GALNT13: variants seen among roughly 807,000 people sequenced by gnomAD.
GALNT13 encodes UDP-GalNAc:polypeptide N-acetylgalactosaminyltransferase 13.
In GALNT13, 28 loss-of-function variants were observed where a neutral mutation model predicts 64.2. That is an observed-to-expected ratio of 0.44 (90% CI 0.32 to 0.60). GALNT13 has a LOEUF of 0.60. Ranked by LOEUF, GALNT13 falls within the 20% of genes least tolerant of loss-of-function variation. GALNT13 has a pLI of 0.05. For missense variants in GALNT13, 577 were observed against 669.8 expected, an observed-to-expected ratio of 0.86 and a Z score of 1.53; for synonymous variants, 214 against 224.6, an observed-to-expected ratio of 0.95 and a Z score of 0.42.
At chr2:153,502,751 A>G in the GALNT13 span, among the ~76,000 whole-genome samples, 1 of 152,096 alleles carries the variant, frequency 6.6e-6, no homozygotes, top group Non-Finnish European at 1.5e-5. Flanking sequence ...AACATCTACA[A>G]TTTTTTGATT....
At chr2:153,209,960 ATTAT>A in the GALNT13 span, among the ~76,000 whole-genome samples, 11 of 152,112 alleles carry the variant, frequency 7.2e-5, no homozygotes, top group African/African-American at 2.6e-4. Context: ...TTAGTTTCTA[ATTAT>A]TTGTTTTTAG....
At chr2:154,423,319 C>T (rs1700335794) in intron 11 of GALNT13, among the ~76,000 whole-genome samples, 1 of 152,076 alleles carries the variant, frequency 6.6e-6, no homozygotes, top group Non-Finnish European at 1.5e-5. Flanking sequence ...CATTGATGGA[C>T]ATTTGGGTTG....
At chr2:153,422,571 A>G in the GALNT13 span, among the ~76,000 whole-genome samples, 2 of 152,272 alleles carry the variant, frequency 1.3e-5, no homozygotes, top group African/African-American at 4.8e-5. Context: ...AAATACAGAA[A>G]CAGTAGAGTA....
chr2:154,156,207 T>C (rs1318003548), intron 4 of GALNT13, among the ~76,000 whole-genome samples: 2 of 152,048 alleles, frequency 1.3e-5, no homozygotes, highest in South Asian at 2.1e-4. Context: ...TCAAATAGAA[T>C]GTGATTGTTT....
At chr2:153,888,690 A>G (rs1687350403) in intron 1 of GALNT13, among the ~76,000 whole-genome samples, 1 of 152,012 alleles carries the variant, frequency 6.6e-6, no homozygotes, top group African/African-American at 2.4e-5. Flanking sequence ...TATATTTAAA[A>G]TCAAGTACTA....
chr2:153,826,080 A>G, the GALNT13 span, among the ~76,000 whole-genome samples: 1 of 152,120 alleles, frequency 6.6e-6, no homozygotes, highest in Non-Finnish European at 1.5e-5. Flanking sequence ...ATCCAACACT[A>G]CCCAATACAT....
At chr2:154,428,633 A>G (rs1343870003) in intron 11 of GALNT13, among the ~76,000 whole-genome samples, 1 of 152,076 alleles carries the variant, frequency 6.6e-6, no homozygotes, top group Non-Finnish European at 1.5e-5. Flanking sequence ...GTTTGTGACA[A>G]CCCTACATGG....
intron 11 of GALNT13, among the ~76,000 whole-genome samples, chr2:154,433,634 A>G (rs1700801303): frequency 6.6e-6 from 1 of 152,144 alleles, no homozygotes; most frequent in South Asian, 2.1e-4. Flanking sequence ...ATTAGGCCCA[A>G]TGTGAAGAAG....
At chr2:154,136,973 A>G (rs1421125818) in intron 3 of GALNT13, among the ~76,000 whole-genome samples, 1 of 151,462 alleles carries the variant, frequency 6.6e-6, no homozygotes, top group Non-Finnish European at 1.5e-5. Flanking sequence ...TTTTCCTCTG[A>G]CTATGGGGAA....
At chr2:153,446,313 C>T in the GALNT13 span, among the ~76,000 whole-genome samples, 1 of 152,176 alleles carries the variant, frequency 6.6e-6, no homozygotes, top group Admixed American at 6.5e-5. Flanking sequence ...GTCCACCAAG[C>T]TTTGAACTAA....
intron 12 of GALNT13, among the ~76,000 whole-genome samples, chr2:154,439,784 A>T (rs143676594): frequency 6.6e-6 from 1 of 152,126 alleles, no homozygotes; most frequent in Non-Finnish European, 1.5e-5. Flanking sequence ...TGCAGGGTTA[A>T]TTTTGGGCCT....
At chr2:154,396,896 A>G (rs889251203) in intron 10 of GALNT13, among the ~76,000 whole-genome samples, 6 of 151,084 alleles carry the variant, frequency 4.0e-5, no homozygotes, top group African/African-American at 1.5e-4. Context: ...ATAACTATAC[A>G]AACTGTATAT....
At chr2:153,416,288 C>T in the GALNT13 span, among the ~76,000 whole-genome samples, 2 of 152,184 alleles carry the variant, frequency 1.3e-5, no homozygotes, top group Non-Finnish European at 2.9e-5. Flanking sequence ...TCTCATAGGT[C>T]TCTTCCAGAC....
the GALNT13 span, among the ~76,000 whole-genome samples, chr2:153,698,397 G>A: frequency 6.6e-6 from 1 of 151,728 alleles, no homozygotes; most frequent in African/African-American, 2.4e-5. Flanking sequence ...TGGATGGGGA[G>A]GAAAATTTAC....
chr2:153,941,620 G>A (rs1439609919), intron 2 of GALNT13, among the ~76,000 whole-genome samples: 2 of 152,104 alleles, frequency 1.3e-5, no homozygotes, highest in Non-Finnish European at 2.9e-5. Context: ...CTGTGCTTAC[G>A]TTGGTTAGTA....
the GALNT13 span, among the ~76,000 whole-genome samples, chr2:153,616,209 T>G: frequency 2.6e-5 from 4 of 151,894 alleles, no homozygotes. Context: ...TTTTCCCAAG[T>G]GTATGTTCTT....
chr2:154,303,457 G>A (rs1693560197), intron 9 of GALNT13, among the ~76,000 whole-genome samples: 1 of 152,144 alleles, frequency 6.6e-6, no homozygotes, highest in South Asian at 2.1e-4. Context: ...AGGGAAGATG[G>A]AGTCGCTGTT....
At chr2:154,144,813 T>TTCTGTTCTGTAATATCTA (rs1478191175) in intron 4 of GALNT13, among the ~76,000 whole-genome samples, 1 of 151,916 alleles carries the variant, frequency 6.6e-6, no homozygotes, top group Non-Finnish European at 1.5e-5. Flanking sequence ...CAAATTGAAG[T>TTCTGTTCTGTAATATCTA]TCTGTTCTGT....
chr2:153,315,773 T>G, the GALNT13 span, among the ~76,000 whole-genome samples: 2 of 152,248 alleles, frequency 1.3e-5, no homozygotes, highest in Non-Finnish European at 2.9e-5. Flanking sequence ...TTGCTAAGAT[T>G]GGTCATAAAA....
Sources: allele counts gnomAD v4.1 joint callset (sites outside exome capture counted in the v4.1 genomes callset), GRCh38; gene constraint gnomAD v4.1.1; transcripts MANE v1.5; gene names NCBI Gene and HGNC (gene_info 2026-07-23, HGNC 2026-07-21).